Variants in PTPRO observed in about 807,000 individuals in gnomAD.
PTPRO encodes the protein receptor-type tyrosine-protein phosphatase O.
In PTPRO, 62 loss-of-function variants were observed where a neutral mutation model predicts 145.2. That is an observed-to-expected ratio of 0.43 (90% CI 0.35 to 0.53). The LOEUF is 0.53. PTPRO is among the 20% of genes least tolerant of loss of function. The pLI, the probability that PTPRO is intolerant of heterozygous loss-of-function variation, is 0.01. For missense variants in PTPRO, 1,345 were observed against 1,482.7 expected (o/e 0.91, Z 1.53); for synonymous variants, 565 against 514.7 (o/e 1.10, Z -1.32).
At chr12:15,495,838 AT>A (rs1186732046) in intron 2 of PTPRO, among the ~76,000 whole-genome samples, 2 of 152,046 alleles carry the variant, frequency 1.3e-5, no homozygotes, top group Non-Finnish European at 2.9e-5. Flanking sequence ...TACATTTAAC[AT>A]TTTTTTACAC....
At chr12:15,409,172 A>G (rs915054569) in intron 1 of PTPRO, among the ~76,000 whole-genome samples, 1 of 152,214 alleles carries the variant, frequency 6.6e-6, no homozygotes, top group Non-Finnish European at 1.5e-5. Flanking sequence ...GATGGAAGTC[A>G]GCCAACAAAT....
rs184527220 is a variant in PTPRO, at chr12:15,456,849, C to T, written c.76-27125C>T. Among the ~76,000 whole-genome samples the T allele has an allele frequency of 1.3e-3, 204 of 151,926 alleles. 1 individual carries two copies. Among genetic ancestry groups the T allele is most frequent in the African/African-American group, 4.2e-3 (176 of 41,472 alleles). ...ATTTATTTGTATTCTCTCTTTTTTC[C>T]ACAGTTATACTATTGGGGAAAGTTA... On this transcript the variant is annotated intron_variant, in intron 1 of 26. Transcript: ENST00000281171.
intron 1 of PTPRO, among the ~76,000 whole-genome samples, chr12:15,452,058 G>T (rs1401560760): frequency 6.6e-6 from 1 of 151,996 alleles, no homozygotes; most frequent in African/African-American, 2.4e-5. Context: ...ACAAAAAACT[G>T]GTTCTTTGAA....
At chr12:15,363,177 C>T (rs1938260111) in intron 1 of PTPRO, among the ~76,000 whole-genome samples, 1 of 152,096 alleles carries the variant, frequency 6.6e-6, no homozygotes, top group Non-Finnish European at 1.5e-5. Flanking sequence ...CTACATAGAA[C>T]AAGGTTTGAA....
intron 1 of PTPRO, among the ~76,000 whole-genome samples, chr12:15,331,240 A>G (rs1866599545): frequency 6.6e-6 from 1 of 152,190 alleles, no homozygotes; most frequent in Non-Finnish European, 1.5e-5. Context: ...CATCTAATGC[A>G]ACAGAGAGGC....
chr12:15,454,760 A>C (rs1941133231), intron 1 of PTPRO, among the ~76,000 whole-genome samples: 1 of 152,174 alleles, frequency 6.6e-6, no homozygotes, highest in Non-Finnish European at 1.5e-5. Context: ...ATTTTTATGT[A>C]GGGAAAGATA....
At chr12:15,440,091 C>A (rs1330916532) in intron 1 of PTPRO, 5 of 633,134 alleles carry the variant, frequency 7.9e-6, no homozygotes, top group Non-Finnish European at 1.4e-5. Flanking sequence ...CGCTGCAGCT[C>A]TGTGCTGGTG....
intron 10 of PTPRO, among the ~76,000 whole-genome samples, chr12:15,520,747 A>T (rs1942699869): frequency 1.3e-5 from 2 of 152,198 alleles, no homozygotes; most frequent in Admixed American, 1.3e-4. Context: ...TGTGGAAATT[A>T]AAAAATAGGG....
chr12:15,476,667 T>A (rs937890072), intron 1 of PTPRO, among the ~76,000 whole-genome samples: 1 of 152,090 alleles, frequency 6.6e-6, no homozygotes, highest in African/African-American at 2.4e-5. Flanking sequence ...TGGTAATGCC[T>A]AGGTTTTCTT....
At chr12:15,582,298 G>A (rs1467322972) in intron 23 of PTPRO, among the ~76,000 whole-genome samples, 1 of 152,202 alleles carries the variant, frequency 6.6e-6, no homozygotes, top group Non-Finnish European at 1.5e-5. Flanking sequence ...CCAGTTTTGG[G>A]GCCAGTTTAT....
intron 16 of PTPRO, 75 bp downstream of exon 16, chr12:15,557,598 C>T: frequency 1.5e-6 from 2 of 1,340,260 alleles, no homozygotes. Context: ...TTTTACTATC[C>T]TTTGGGGATA....
rs142771193 is a variant in PTPRO, at chr12:15,426,801, AT to A, written c.76-57171del. On this transcript the variant is annotated intron_variant, in intron 1 of 26. Coordinates refer to ENST00000281171, the MANE Select transcript of PTPRO (RefSeq NM_030667.3). ...GAGAAAATACCAGACACTCAGTTAAATTAAAGTTCAGATAAATAACAAATAA... is the reference window on the plus strand; with the variant it reads ...GAGAAAATACCAGACACTCAGTTAAATAAAGTTCAGATAAATAACAAATAA... Among the ~76,000 whole-genome samples the A allele has an allele frequency of 4.4e-3, 673 of 152,206 alleles. 7 individuals carry two copies. Among genetic ancestry groups the A allele is most frequent in the African/African-American group, 0.015 (630 of 41,556 alleles).
Position 15,349,274 on chromosome 12 carries a change from G to T in PTPRO, c.75+26473G>T, listed in dbSNP as rs150917326. On this transcript the variant is annotated intron_variant, in intron 1 of 26. Coordinates refer to ENST00000281171, the MANE Select transcript of PTPRO (RefSeq NM_030667.3). ...CTAGTTTTCCAATTGGCTAGATGGGGGTACGATTTAGTACCATGTTAAGCT... is the reference window on the plus strand; with the variant it reads ...CTAGTTTTCCAATTGGCTAGATGGGTGTACGATTTAGTACCATGTTAAGCT... Among the ~76,000 whole-genome samples, 381 of 152,244 alleles carry T rather than the reference G, an allele frequency of 2.5e-3. 4 individuals are homozygous for T. The highest frequency in any genetic ancestry group is 8.6e-3 in the African/African-American group (359 of 41,554).
At chr12:15,445,990 C>T (rs943676901) in intron 1 of PTPRO, among the ~76,000 whole-genome samples, 11 of 152,130 alleles carry the variant, frequency 7.2e-5, no homozygotes, top group African/African-American at 2.6e-4. Flanking sequence ...TGTAAAGCAG[C>T]ATTTGTAGCA....
intron 1 of PTPRO, among the ~76,000 whole-genome samples, chr12:15,464,851 A>G (rs1941383510): frequency 6.6e-6 from 1 of 152,178 alleles, no homozygotes; most frequent in Non-Finnish European, 1.5e-5. Context: ...CATTTCTGTA[A>G]AGAATTCTAT....
chr12:15,570,096 AT>A (rs1482984133), intron 19 of PTPRO, among the ~76,000 whole-genome samples: 1 of 152,202 alleles, frequency 6.6e-6, no homozygotes, highest in African/African-American at 2.4e-5. Flanking sequence ...AAGGACACAT[AT>A]TTCTTTGGAT....
chr12:15,343,980 G>A (rs1867106625), intron 1 of PTPRO, among the ~76,000 whole-genome samples: 2 of 152,166 alleles, frequency 1.3e-5, no homozygotes, highest in Non-Finnish European at 1.5e-5. Flanking sequence ...CACCGCGCCC[G>A]GCCATAAATA....
chr12:15,554,394 TATAG>T (rs950411029), intron 15 of PTPRO, among the ~76,000 whole-genome samples: 5 of 149,710 alleles, frequency 3.3e-5, no homozygotes, highest in African/African-American at 1.3e-4. Flanking sequence ...AGATATTATA[TATAG>T]ATATAGTGTG....
At chr12:15,557,627 T>G in intron 16 of PTPRO, 104 bp downstream of exon 16, 1 of 1,054,162 alleles carries the variant, frequency 9.5e-7, no homozygotes, top group Non-Finnish European at 1.5e-6. Context: ...TGATTATCCT[T>G]TTGTAATTTC....
Sources: gnomAD v4.1 joint callset for allele counts (sites outside exome capture counted in the v4.1 genomes callset) on GRCh38, gnomAD v4.1.1 for gene constraint, MANE v1.5 for transcripts, NCBI Gene and HGNC (gene_info 2026-07-23, HGNC 2026-07-21) for gene names.